The following JAK1 variants were observed in gnomAD, a reference collection of about 807,000 sequenced individuals.
The protein encoded by JAK1 is Janus kinase 1, also known as tyrosine-protein kinase JAK1.
Under a neutral mutation model 136.6 loss-of-function variants are expected in JAK1, and 16 were observed. The ratio of observed to expected loss-of-function variants is 0.12; its 90% CI spans 0.08 to 0.18. The LOEUF is 0.18. JAK1 is among the 10% of genes least tolerant of loss of function. The probability of loss-of-function intolerance (pLI) is 1.00; values close to 1 mark genes in which losing one functional copy is unlikely to be tolerated. For missense variants in JAK1, 859 were observed against 1,450.1 expected (o/e 0.59, Z 6.62); for synonymous variants, 492 against 519.5 (o/e 0.95, Z 0.72).
intron 1 of JAK1, among the ~76,000 whole-genome samples, chr1:64,935,987 C>T (rs12568330): frequency 2.6e-5 from 4 of 152,136 alleles, no homozygotes; most frequent in Non-Finnish European, 5.9e-5. Context: ...GGTCCAGGGA[C>T]ACACCCTTGC....
chr1:64,900,225 T>C (rs1424976873), intron 1 of JAK1, among the ~76,000 whole-genome samples: 1 of 152,134 alleles, frequency 6.6e-6, no homozygotes, highest in Non-Finnish European at 1.5e-5. Flanking sequence ...CAAAACATAA[T>C]TATTTGTCAT....
At chr1:64,845,224 A>T (rs1655150397) in intron 15 of JAK1, among the ~76,000 whole-genome samples, 1 of 152,096 alleles carries the variant, frequency 6.6e-6, no homozygotes, top group Non-Finnish European at 1.5e-5. Flanking sequence ...TTCACTCAAC[A>T]CGTACTGCAC....
intron 2 of JAK1, among the ~76,000 whole-genome samples, chr1:65,002,883 G>A (rs1028033333): frequency 5.9e-5 from 9 of 152,224 alleles, no homozygotes; most frequent in Admixed American, 4.6e-4. Flanking sequence ...CCCGGGAGGG[G>A]ACGCACGCAC....
rs140441660 is a variant in JAK1 at position 64,885,793 on chromosome 1, G to A, written c.6+466C>T. Among the ~76,000 whole-genome samples the A allele has an allele frequency of 1.4e-3, 215 of 151,890 alleles. 1 individual carries two copies. The highest frequency in any genetic ancestry group is 2.5e-3 in the Admixed American group (38 of 15,244). On this transcript the variant is annotated intron_variant, in intron 2 of 24. Coordinates refer to ENST00000342505, the MANE Select transcript of JAK1 (RefSeq NM_002227.4). ...ATAAGAAAAAAATCCAACTGACAAT[G>A]TCCAGTAGGAGAGGACTCACTAAAC...
intron 1 of JAK1, among the ~76,000 whole-genome samples, chr1:64,956,407 T>G (rs573039803): frequency 6.6e-6 from 1 of 152,284 alleles, no homozygotes; most frequent in East Asian, 1.9e-4. Context: ...GCACTGGCTA[T>G]CCCCTCTGCC....
intron 1 of JAK1, among the ~76,000 whole-genome samples, chr1:64,893,407 T>C (rs538985849): frequency 6.9e-6 from 1 of 143,986 alleles, no homozygotes; most frequent in South Asian, 2.2e-4. Context: ...AATGAAAAAG[T>C]ATTGGATGCC....
chr1:64,867,798 T>C (rs1437795436), intron 6 of JAK1, among the ~76,000 whole-genome samples: 2 of 152,102 alleles, frequency 1.3e-5, no homozygotes, highest in East Asian at 3.9e-4. Context: ...AGAGACCAGC[T>C]TGACCAACAT....
chr1:65,053,685 C>CA (rs1647395888), intron 1 of JAK1, among the ~76,000 whole-genome samples: 1 of 152,060 alleles, frequency 6.6e-6, no homozygotes, highest in Non-Finnish European at 1.5e-5. Context: ...CCTGTCTCTA[C>CA]AAAAAAATTT....
rs576274132 is a variant in JAK1 at position 64,946,234 on chromosome 1, A to G, written c.-78+20099T>C. The stretch of plus-strand genomic sequence containing the variant: ...GATCCTCACACAGTGGTCGTCTTCT[A>G]TTCCCCTGGAAGAATACAGGAGAGA... On this transcript the variant is annotated intron_variant, in intron 1 of 24. Coordinates refer to ENST00000342505, the MANE Select transcript of JAK1 (RefSeq NM_002227.4). Among the ~76,000 whole-genome samples the G allele has an allele frequency of 3.9e-5, 6 of 152,338 alleles. No individual in the cohort carries two copies. The South Asian group carries it at 8.3e-4, about 21-fold the overall frequency.
chr1:64,842,835 G>C (rs554112814), intron 17 of JAK1, among the ~76,000 whole-genome samples: 39 of 152,100 alleles, frequency 2.6e-4, no homozygotes, highest in Non-Finnish European at 2.4e-4. Flanking sequence ...GTTTCCCTGC[G>C]GGTTTAAGAT....
At chr1:65,039,019 A>T (rs1000153018) in intron 2 of JAK1, among the ~76,000 whole-genome samples, 14 of 149,074 alleles carry the variant, frequency 9.4e-5, no homozygotes, top group African/African-American at 3.5e-4. Context: ...TTGGTCTCAA[A>T]CTCCTGGCCT....
chr1:64,886,181 C>T (rs1412053013), intron 2 of JAK1, 78 bp downstream of exon 2: 13 of 920,632 alleles, frequency 1.4e-5, no homozygotes, highest in Middle Eastern at 2.2e-4. Flanking sequence ...AATAGCCCTA[C>T]AGCCTCAAGA....
intron 2 of JAK1, among the ~76,000 whole-genome samples, chr1:65,030,406 A>C (rs1647012346): frequency 6.6e-6 from 1 of 152,254 alleles, no homozygotes; most frequent in African/African-American, 2.4e-5. Context: ...AAAGTTTCTC[A>C]TTCTTGCAGT....
chr1:65,018,489 C>CACACACACACACACAA (rs1646909293), intron 2 of JAK1, among the ~76,000 whole-genome samples: 30 of 132,788 alleles, frequency 2.3e-4, no homozygotes, highest in Admixed American at 1.1e-3. Flanking sequence ...AGAGAGAGAA[C>CACACACACACACACAA]ACACACACAC....
intron 2 of JAK1, among the ~76,000 whole-genome samples, chr1:64,886,047 AG>A (rs1644847744): frequency 6.6e-6 from 1 of 152,210 alleles, no homozygotes; most frequent in Non-Finnish European, 1.5e-5. Context: ...AGAGATTACA[AG>A]GGAAGTTTAA....
chr1:64,984,885 A>G lies in JAK1; in HGVS notation c.-78+59595T>C. 8.4e-7 allele frequency: 1 copy of G among 1,191,786 alleles called. No individual in the cohort carries two copies. The highest frequency in any genetic ancestry group is 1.3e-6 in the Non-Finnish European group (1 of 798,532). The allele number at this position is 1,191,786 out of a possible 1,614,324, so 73.8% of individuals were successfully genotyped here. A position where few individuals can be genotyped will look rare whatever the true frequency, so the allele number is the denominator to read the frequency against. On this transcript the variant is annotated intron_variant, in intron 2 of 25. Coordinates refer to the JAK1 transcript ENST00000671954. This position sits in a 1 kb window ranked among gnomAD's most constrained non-coding sequence, Gnocchi z 4.1. ...GGAGGTCCAGGTGGAGCAGCCGGCC[A>G]CTGCCATCACAGCTGGGCCAGGGCC...
At chr1:64,894,240 T>G (rs1300980824) in intron 1 of JAK1, among the ~76,000 whole-genome samples, 1 of 152,134 alleles carries the variant, frequency 6.6e-6, no homozygotes, top group Admixed American at 6.5e-5. Flanking sequence ...CACCACTCCC[T>G]CCAGATTCAA....
chr1:64,975,283 C>A (rs948859544), intron 2 of JAK1, among the ~76,000 whole-genome samples: 1 of 152,192 alleles, frequency 6.6e-6, no homozygotes, highest in Non-Finnish European at 1.5e-5. Context: ...CTTTCATATA[C>A]CTGCCATGCT....
chr1:64,866,205 T>C (rs1476348614), intron 7 of JAK1, among the ~76,000 whole-genome samples: 1 of 152,224 alleles, frequency 6.6e-6, no homozygotes, highest in Non-Finnish European at 1.5e-5. Flanking sequence ...GGTACCTCCA[T>C]TTAACAGAGG....
Sources: allele counts gnomAD v4.1 joint callset (sites outside exome capture counted in the v4.1 genomes callset), GRCh38; gene constraint gnomAD v4.1.1; non-coding constraint Gnocchi (gnomAD v3.1); transcripts MANE v1.5; gene names NCBI Gene and HGNC (gene_info 2026-07-23, HGNC 2026-07-21).